Variants in RALGPS2 observed in about 807,000 individuals in gnomAD.
RALGPS2 encodes ras-specific guanine nucleotide-releasing factor RalGPS2.
RALGPS2 carries 43 observed loss-of-function variants against 86.8 expected under a neutral mutation model. The ratio of observed to expected loss-of-function variants is 0.50; its 90% confidence interval spans 0.39 to 0.64. The LOEUF (loss-of-function observed/expected upper bound fraction) is 0.64. Ranked by LOEUF, RALGPS2 falls within the 30% of genes least tolerant of loss-of-function variation. RALGPS2 has a pLI of 0.00. For synonymous variants in RALGPS2, 243 were observed against 231.3 expected, an observed-to-expected ratio of 1.05 and a Z score of -0.46; for missense variants, 536 against 694.6, an observed-to-expected ratio of 0.77 and a Z score of 2.57.
At chr1:178,869,486 GC>G (rs983188617) in intron 8 of RALGPS2, among the ~76,000 whole-genome samples, 3 of 152,058 alleles carry the variant, frequency 2.0e-5, no homozygotes, top group Admixed American at 6.6e-5. Flanking sequence ...CAGATTAAAT[GC>G]CTGCCTTAAG....
intron 8 of RALGPS2, among the ~76,000 whole-genome samples, chr1:178,859,918 C>T (rs1454013457): frequency 1.3e-5 from 2 of 149,822 alleles, no homozygotes; most frequent in Non-Finnish European, 3.0e-5. Context: ...GGGGTTTCGC[C>T]ATGTTAGCCA....
chr1:178,893,872 C>T, intron 15 of RALGPS2, 47 bp from the exon 16 acceptor site: 1 of 1,242,236 alleles, frequency 8.1e-7, no homozygotes, highest in Non-Finnish European at 1.2e-6. Context: ...TACTTGATGA[C>T]TATTGTAGAC....
At chr1:178,898,943 G>A (rs1660053822) in intron 17 of RALGPS2, among the ~76,000 whole-genome samples, 1 of 151,900 alleles carries the variant, frequency 6.6e-6, no homozygotes, top group Non-Finnish European at 1.5e-5. Flanking sequence ...CTCAAAGTGA[G>A]AAAAAGGTTG....
chr1:178,810,284 G>A (rs1469079090), intron 5 of RALGPS2, among the ~76,000 whole-genome samples: 1 of 152,028 alleles, frequency 6.6e-6, no homozygotes, highest in African/African-American at 2.4e-5. Context: ...CTACTTAGGA[G>A]GCTGAGTCAG....
intron 3 of RALGPS2, 144 bp from the exon 4 acceptor site, chr1:178,785,413 C>G: frequency 1.6e-6 from 1 of 619,172 alleles, no homozygotes; most frequent in Non-Finnish European, 2.4e-6. Flanking sequence ...TTTAATGGTA[C>G]AGGGGCTAAA....
intron 17 of RALGPS2, among the ~76,000 whole-genome samples, chr1:178,901,844 C>A (rs1660192012): frequency 6.6e-6 from 1 of 151,874 alleles, no homozygotes; most frequent in African/African-American, 2.4e-5. Context: ...CACAAACATG[C>A]TCTCTGGGAA....
intron 1 of RALGPS2, among the ~76,000 whole-genome samples, chr1:178,728,538 G>A (rs1267483280): frequency 4.6e-5 from 7 of 151,188 alleles, no homozygotes; most frequent in Non-Finnish European, 1.0e-4. Context: ...TGTAACGACT[G>A]TATTTGGAAT....
chr1:178,830,662 G>A (rs968253905), intron 7 of RALGPS2, among the ~76,000 whole-genome samples: 2 of 152,096 alleles, frequency 1.3e-5, no homozygotes, highest in Non-Finnish European at 2.9e-5. Context: ...CTCTGGTTTG[G>A]CATGAATAGA....
intron 8 of RALGPS2, among the ~76,000 whole-genome samples, chr1:178,841,093 C>A (rs770618824): frequency 4.6e-5 from 7 of 152,282 alleles, no homozygotes; most frequent in Middle Eastern, 3.4e-3. Flanking sequence ...TGGTACCATT[C>A]CTTCTGAAAC....
At position 178,899,468 on chromosome 1, in the gene RALGPS2, T is replaced by C. The variant is rs184727906; in HGVS notation, c.1524+1712T>C. 3.1e-3 allele frequency among the ~76,000 whole-genome samples: 464 copies of C among 151,886 alleles called. 2 individuals are homozygous for C. The highest frequency in any genetic ancestry group is 0.011 in the African/African-American group (443 of 41,516). ...TATTAATCTTGAGATAGAAAAGATA[T>C]GGCACAGAACTAAATGGAAGAAAAA... On this transcript the variant is annotated intron_variant, in intron 17 of 19. Transcript: ENST00000367635.
intron 1 of RALGPS2, among the ~76,000 whole-genome samples, chr1:178,749,965 G>A (rs1247558889): frequency 6.6e-6 from 1 of 151,986 alleles, no homozygotes; most frequent in East Asian, 1.9e-4. Flanking sequence ...ACACAAATTA[G>A]CCAGGCATGG....
At chr1:178,881,368 T>C (rs1659237568) in intron 10 of RALGPS2, among the ~76,000 whole-genome samples, 1 of 152,058 alleles carries the variant, frequency 6.6e-6, no homozygotes, top group African/African-American at 2.4e-5. Flanking sequence ...ATCAAAGGAA[T>C]GGGATAAGAA....
At chr1:178,778,970 A>G (rs1653244300) in intron 2 of RALGPS2, among the ~76,000 whole-genome samples, 2 of 152,158 alleles carry the variant, frequency 1.3e-5, no homozygotes, top group Admixed American at 1.3e-4. Flanking sequence ...AACTCATAAA[A>G]CTCTTTATTT....
chr1:178,739,598 C>G (rs1377256001), intron 1 of RALGPS2, among the ~76,000 whole-genome samples: 2 of 152,084 alleles, frequency 1.3e-5, no homozygotes, highest in African/African-American at 2.4e-5. Flanking sequence ...AAATACAGTA[C>G]CTTTGATGAG....
intron 10 of RALGPS2, among the ~76,000 whole-genome samples, chr1:178,881,122 A>G (rs1558168426): frequency 6.6e-6 from 1 of 152,228 alleles, no homozygotes. Context: ...GTCTAATGTC[A>G]GATACATCCA....
intron 4 of RALGPS2, among the ~76,000 whole-genome samples, chr1:178,792,297 C>G (rs772000521): frequency 6.6e-6 from 1 of 152,128 alleles, no homozygotes; most frequent in African/African-American, 2.4e-5. Flanking sequence ...TTTTAAGGTT[C>G]TCTGAGTGCT....
At chr1:178,865,285 T>A in intron 8 of RALGPS2, 2 of 1,614,100 alleles carry the variant, frequency 1.2e-6, no homozygotes, top group South Asian at 2.2e-5. Context: ...TCTTCAACAT[T>A]TCTGTGGTGA....
At chr1:178,790,009 C>G (rs773478869) in intron 4 of RALGPS2, among the ~76,000 whole-genome samples, 2 of 151,942 alleles carry the variant, frequency 1.3e-5, no homozygotes, top group Non-Finnish European at 2.9e-5. Context: ...AGTGCAGCGG[C>G]GCAATGACGG....
chr1:178,895,814 T>C (rs1188062169), intron 16 of RALGPS2, among the ~76,000 whole-genome samples: 1 of 151,978 alleles, frequency 6.6e-6, no homozygotes, highest in African/African-American at 2.4e-5. Context: ...CAGTTTGATA[T>C]GCTTATTAAA....
Sources: allele counts gnomAD v4.1 joint callset (sites outside exome capture counted in the v4.1 genomes callset), GRCh38; gene constraint gnomAD v4.1.1; transcripts MANE v1.5; gene names NCBI Gene and HGNC (gene_info 2026-07-23, HGNC 2026-07-21).